Variants in JMJD1C observed in about 807,000 individuals in gnomAD.
The protein encoded by JMJD1C is jumonji domain containing 1C.
Under a neutral mutation model 245.3 loss-of-function variants are expected in JMJD1C, and 31 were observed. The observed-to-expected ratio is 0.13, with a 90% CI of 0.09 to 0.17. The LOEUF is 0.17. Among genes scored for constraint, JMJD1C ranks in the 10% least tolerant of loss-of-function variants. JMJD1C has a pLI of 1.00. For missense variants in JMJD1C, 2,691 were observed against 3,000.2 expected, an observed-to-expected ratio of 0.90 and a Z score of 2.41; for synonymous variants, 1,057 against 1,017.4, an observed-to-expected ratio of 1.04 and a Z score of -0.74.
chr10:63,316,352 C>T (rs866116555), intron 2 of JMJD1C, among the ~76,000 whole-genome samples: 1 of 152,184 alleles, frequency 6.6e-6, no homozygotes, highest in Non-Finnish European at 1.5e-5. Flanking sequence ...ATACTTGTCA[C>T]TGCTTTTGAG....
intron 1 of JMJD1C, among the ~76,000 whole-genome samples, chr10:63,488,392 C>A (rs1388531881): frequency 2.0e-5 from 3 of 151,770 alleles, no homozygotes; most frequent in Admixed American, 6.6e-5. Context: ...AGATTAAGAC[C>A]AGTGTGGGAA....
intron 2 of JMJD1C, among the ~76,000 whole-genome samples, chr10:63,337,280 G>GA (rs1942835682): frequency 6.6e-6 from 1 of 150,652 alleles, no homozygotes; most frequent in African/African-American, 2.4e-5. Context: ...CATGTCTACT[G>GA]AAAATATAAA....
chr10:63,226,791 C>T (rs183828293), intron 3 of JMJD1C, among the ~76,000 whole-genome samples: 1 of 149,496 alleles, frequency 6.7e-6, no homozygotes, highest in East Asian at 2.0e-4. Context: ...GGTGTGGTGG[C>T]TCATGCCTGT....
At chr10:63,325,278 CAG>C (rs918761138) in intron 2 of JMJD1C, among the ~76,000 whole-genome samples, 28 of 152,196 alleles carry the variant, frequency 1.8e-4, no homozygotes, top group African/African-American at 6.3e-4. Flanking sequence ...TGACGTAAAA[CAG>C]GGGAATAATA....
intron 24 of JMJD1C, among the ~76,000 whole-genome samples, chr10:63,173,697 G>A (rs1842608762): frequency 6.6e-6 from 1 of 151,898 alleles, no homozygotes; most frequent in South Asian, 2.1e-4. Flanking sequence ...ACTCTAACCT[G>A]GGCAACAGAG....
intron 3 of JMJD1C, among the ~76,000 whole-genome samples, chr10:63,245,908 T>C (rs907180929): frequency 6.6e-6 from 1 of 151,974 alleles, no homozygotes; most frequent in Non-Finnish European, 1.5e-5. Context: ...ACTGTGGGAG[T>C]TACAATTCAA....
chr10:63,393,632 A>T (rs1234378930), intron 1 of JMJD1C, among the ~76,000 whole-genome samples: 1 of 152,172 alleles, frequency 6.6e-6, no homozygotes, highest in Non-Finnish European at 1.5e-5. Flanking sequence ...TATGGAATCA[A>T]CCTGTCTATT....
At chr10:63,380,107 T>TC (rs1260209613) in intron 2 of JMJD1C, 13 of 98,056 alleles carry the variant, frequency 1.3e-4, no homozygotes, top group Admixed American at 3.5e-4. Flanking sequence ...ATCCAGCTAT[T>TC]TTTTTTTTTT....
intron 2 of JMJD1C, among the ~76,000 whole-genome samples, chr10:63,272,908 A>G (rs1488417375): frequency 6.6e-6 from 1 of 152,194 alleles, no homozygotes; most frequent in Non-Finnish European, 1.5e-5. Context: ...TCCCTTACAG[A>G]ATCATATAGC....
At chr10:63,400,261 A>C (rs1948767038) in intron 1 of JMJD1C, among the ~76,000 whole-genome samples, 2 of 152,256 alleles carry the variant, frequency 1.3e-5, no homozygotes, top group African/African-American at 4.8e-5. Flanking sequence ...TCTATCTTTA[A>C]GGCATACTCC....
chr10:63,337,569 AAAAG>A (rs1171793322), intron 2 of JMJD1C, among the ~76,000 whole-genome samples: 11 of 52,374 alleles, frequency 2.1e-4, no homozygotes, highest in African/African-American at 1.3e-3. Flanking sequence ...AAAAGAAAAG[AAAAG>A]AAAAGAAAAG....
intron 16 of JMJD1C, among the ~76,000 whole-genome samples, chr10:63,191,983 C>CAAAAAAAAAA: frequency 1.6e-5 from 1 of 60,822 alleles, no homozygotes; most frequent in Non-Finnish European, 2.6e-5. Flanking sequence ...GACTCTGTCT[C>CAAAAAAAAAA]AAAAAAAAAA....
At position 63,207,457 on chromosome 10, in the gene JMJD1C, A is replaced by G. The variant is rs779141603; in HGVS notation, c.4212T>C (p.Asp1404=). The G allele has an allele frequency of 6.2e-7, 1 of 1,614,250 alleles. No homozygotes were observed. Among genetic ancestry groups the G allele is most frequent in the Admixed American group, 1.7e-5 (1 of 60,028 alleles). Reference sequence around the variant, plus strand: ...CACCCCAGCTGGAAACACTGGTAGTATCGGCAGCAGATGTGATTACATCCG... The same window carrying G: ...CACCCCAGCTGGAAACACTGGTAGTGTCGGCAGCAGATGTGATTACATCCG... ...TKTDVITSAA[D]TTSVSSWGGS... is the part of the protein sequence containing the mutation. The change falls in exon 10 of 26, where the codon GAT becomes GAC. Residue 1404 remains aspartate, a synonymous_variant. Coordinates refer to ENST00000399262, the MANE Select transcript of JMJD1C (RefSeq NM_032776.3).
chr10:63,213,869 G>A lies in JMJD1C; in HGVS notation c.2298C>T (p.Ala766=), dbSNP rs569430257. 1.1e-5 allele frequency: 17 copies of A among 1,613,992 alleles called. No individual in the cohort carries two copies. The highest frequency in any genetic ancestry group is 4.5e-5 in the East Asian group (2 of 44,864). ...GTAATGGAGTTTGACTAGATGATCC[G>A]GCTAGTAAATGGGGTGCAGGAGTTA... is the stretch of plus-strand genomic sequence containing the variant. The part of the protein sequence containing the change: ...PALTPAPHLL[A]GSSSQTPLPT... Residue 766 remains alanine (A), a synonymous_variant, in exon 8 of 26, where the codon GCC becomes GCT. Transcript: ENST00000399262.
intron 1 of JMJD1C, among the ~76,000 whole-genome samples, chr10:63,447,968 A>G (rs1300598900): frequency 1.3e-5 from 2 of 152,054 alleles, no homozygotes; most frequent in Admixed American, 1.3e-4. Flanking sequence ...AGAGAGAGAA[A>G]GAAAAAATTT....
chr10:63,414,116 A>G (rs1056928284), intron 1 of JMJD1C, among the ~76,000 whole-genome samples: 1 of 151,326 alleles, frequency 6.6e-6, no homozygotes, highest in Non-Finnish European at 1.5e-5. Context: ...CCTCCCGAGT[A>G]GCTGGGACTG....
At chr10:63,380,018 T>C (rs571608113) in intron 2 of JMJD1C, among the ~76,000 whole-genome samples, 7 of 152,074 alleles carry the variant, frequency 4.6e-5, no homozygotes, top group African/African-American at 1.2e-4. Flanking sequence ...GTAACTCACA[T>C]TGACTTGGAT....
intron 3 of JMJD1C, among the ~76,000 whole-genome samples, chr10:63,240,341 TG>T (rs1238277312): frequency 1.3e-5 from 2 of 151,950 alleles, no homozygotes; most frequent in African/African-American, 4.8e-5. Flanking sequence ...CAGCAAAGAC[TG>T]ATTAAAAAAA....
chr10:63,225,984 C>CT (rs1849222479), intron 3 of JMJD1C, among the ~76,000 whole-genome samples: 1 of 81,918 alleles, frequency 1.2e-5, no homozygotes, highest in Admixed American at 1.1e-4. Context: ...TCTTCTCCCC[C>CT]ACCCCCCCCT....
Sources: gnomAD v4.1 joint callset for allele counts (sites outside exome capture counted in the v4.1 genomes callset) on GRCh38, gnomAD v4.1.1 for gene constraint, MANE v1.5 for transcripts, NCBI Gene and HGNC (gene_info 2026-07-23, HGNC 2026-07-21) for gene names.